ARHGEF28: variants seen among roughly 807,000 people sequenced by gnomAD.
ARHGEF28 encodes Rho guanine nucleotide exchange factor 28.
In ARHGEF28, 152 loss-of-function variants were observed where a neutral mutation model predicts 206.6. The ratio of observed to expected loss-of-function variants is 0.74; its 90% confidence interval spans 0.64 to 0.84. The LOEUF is 0.84. Ranked by LOEUF, ARHGEF28 falls within the 40% of genes least tolerant of loss-of-function variation. ARHGEF28 has a pLI of 0.00. For missense variants in ARHGEF28, 2,028 were observed against 2,073.2 expected (o/e 0.98, Z 0.42); for synonymous variants, 763 against 776.4 (o/e 0.98, Z 0.29).
intron 21 of ARHGEF28, 143 bp downstream of exon 21, chr5:73,870,352 C>G: frequency 2.8e-6 from 3 of 1,058,174 alleles, no homozygotes; most frequent in African/African-American, 1.6e-5. Flanking sequence ...ATTTAGATCA[C>G]CTAGACCTTA....
In ARHGEF28 at chr5:73,776,587, A is replaced by G. The variant is rs1355124930; in HGVS notation, c.731A>G (p.His244Arg). The G allele has an allele frequency of 1.2e-6, 2 of 1,613,660 alleles. No homozygotes were observed. Among genetic ancestry groups the G allele is most frequent in the Admixed American group, 3.3e-5 (2 of 59,984 alleles). ...LSEEASLHYI[H>R]SSETLTLTLN... Reference sequence around the variant, plus strand: ...GAAGAAGCCTCCTTGCATTACATTCACTCATCGGAAACGCTGACCCTGACC... The same window carrying G: ...GAAGAAGCCTCCTTGCATTACATTCGCTCATCGGAAACGCTGACCCTGACC... Residue 244 changes from histidine (H) to arginine (R), a missense_variant, in exon 6 of 36, where the codon CAC becomes CGC. Coordinates refer to ENST00000513042, the MANE Select transcript of ARHGEF28 (RefSeq NM_001177693.2).
At chr5:73,866,134 T>G in intron 18 of ARHGEF28, 121 bp downstream of exon 18, 1 of 902,614 alleles carries the variant, frequency 1.1e-6, no homozygotes, top group South Asian at 1.9e-5. Flanking sequence ...TTTCATAACA[T>G]ATGCTTGGCA....
chr5:73,782,395 G>A (rs1251952295), intron 7 of ARHGEF28, among the ~76,000 whole-genome samples: 1 of 152,178 alleles, frequency 6.6e-6, no homozygotes, highest in East Asian at 1.9e-4. Context: ...CTGAGATTGC[G>A]CCACTGCATT....
intron 3 of ARHGEF28, among the ~76,000 whole-genome samples, chr5:73,750,915 C>T (rs182139180): frequency 8.9e-4 from 135 of 152,212 alleles, no homozygotes; most frequent in African/African-American, 2.7e-3. Context: ...ATCTGCTACA[C>T]GTGGAAAGAA....
chr5:73,773,968 GA>G lies in ARHGEF28; in HGVS notation c.591del (p.Glu198ArgfsTer6). ...AGTCCAGGCCTTGGCTTTACCCAAC[GA>G]AGAGGGTGCCACACCATTAGACTTA... is the stretch of plus-strand genomic sequence containing the variant. ...GGVQALALPN[E>X]EGATPLDLAL... On this transcript the variant is annotated frameshift_variant, in exon 5 of 36. Transcript: ENST00000513042. LOFTEE classifies it high-confidence loss of function. 1.2e-6 allele frequency: 2 copies of G among 1,607,028 alleles called. No individual in the cohort carries two copies. The highest frequency in any genetic ancestry group is 1.1e-5 in the South Asian group (1 of 89,216).
chr5:73,697,317 T>C (rs1018169126), intron 2 of ARHGEF28, among the ~76,000 whole-genome samples: 1 of 152,028 alleles, frequency 6.6e-6, no homozygotes, highest in African/African-American at 2.4e-5. Flanking sequence ...CCAGCACTTA[T>C]AGTTACTGTA....
chr5:73,863,944 A>G (rs1216443371), intron 16 of ARHGEF28, among the ~76,000 whole-genome samples: 1 of 152,094 alleles, frequency 6.6e-6, no homozygotes, highest in Non-Finnish European at 1.5e-5. Context: ...CTTCCTGCCC[A>G]GTTCTTGTTG....
intron 4 of ARHGEF28, among the ~76,000 whole-genome samples, chr5:73,762,216 G>A (rs1424276021): frequency 6.6e-6 from 1 of 151,920 alleles, no homozygotes; most frequent in East Asian, 1.9e-4. Flanking sequence ...AGCACTTTGG[G>A]AGGCTGAGGT....
intron 23 of ARHGEF28, among the ~76,000 whole-genome samples, chr5:73,883,381 A>G (rs1013632011): frequency 4.6e-5 from 7 of 152,212 alleles, no homozygotes; most frequent in African/African-American, 1.7e-4. Flanking sequence ...GTTATAATGA[A>G]TAATAACAAA....
intron 2 of ARHGEF28, among the ~76,000 whole-genome samples, chr5:73,723,804 C>T (rs17664652): frequency 1.3e-5 from 2 of 152,184 alleles, no homozygotes; most frequent in Non-Finnish European, 2.9e-5. Flanking sequence ...AATGAATTGG[C>T]CTTGTGACTA....
intron 4 of ARHGEF28, among the ~76,000 whole-genome samples, chr5:73,757,799 C>G (rs1752394800): frequency 6.6e-6 from 1 of 152,138 alleles, no homozygotes; most frequent in South Asian, 2.1e-4. Flanking sequence ...TGTGCAGGGT[C>G]TCAGAAGCCC....
intron 1 of ARHGEF28, among the ~76,000 whole-genome samples, chr5:73,648,735 G>C (rs1744602492): frequency 6.6e-6 from 1 of 152,158 alleles, no homozygotes; most frequent in Non-Finnish European, 1.5e-5. Context: ...AGAATGAAGA[G>C]CAGTGAGGTG....
chr5:73,648,279 C>G (rs1744570266), intron 1 of ARHGEF28, among the ~76,000 whole-genome samples: 1 of 152,096 alleles, frequency 6.6e-6, no homozygotes, highest in Non-Finnish European at 1.5e-5. Context: ...TCTGGGAAAT[C>G]CATATTTTCC....
intron 10 of ARHGEF28, among the ~76,000 whole-genome samples, chr5:73,839,247 T>A (rs1757837915): frequency 6.6e-6 from 1 of 152,194 alleles, no homozygotes; most frequent in Non-Finnish European, 1.5e-5. Context: ...TTACTGTTTT[T>A]AAAAAATTAT....
At position 73,846,172 on chromosome 5, in the gene ARHGEF28, G is replaced by A. The variant is rs552126304; in HGVS notation, c.1428-96G>A. 160 of 1,053,564 alleles carry A rather than the reference G, an allele frequency of 1.5e-4. No individual in the cohort carries two copies. The Middle Eastern group carries it at 1.9e-3, about 12-fold the overall frequency. 65.3% of individuals were successfully genotyped at this position (1,053,564 alleles called of 1,614,324 possible). ...AATGAATACCTATTGCACCCCCCCC[G>A]CCCCAGTGAAAGAATCTGGATTCAG... On this transcript the variant is annotated intron_variant, in intron 11 of 35. Transcript: ENST00000513042.
intron 2 of ARHGEF28, among the ~76,000 whole-genome samples, chr5:73,727,434 G>A (rs1035516472): frequency 2.6e-5 from 4 of 152,112 alleles, no homozygotes; most frequent in Non-Finnish European, 5.9e-5. Flanking sequence ...CTTATGTGTA[G>A]CAATTCCCTC....
rs1758774360 is a variant in ARHGEF28, at chr5:73,852,619, A to C, written c.1748-31A>C. The stretch of plus-strand genomic sequence containing the variant: ...ATATGACTGCCAGTTTGTGTGCCTT[A>C]GTTTTCATTTTATTGTTCTGTGTCT... On this transcript the variant is annotated intron_variant, in intron 13 of 35. Transcript: ENST00000513042. The C allele has an allele frequency of 1.9e-6, 3 of 1,609,926 alleles. No homozygotes were observed. In the East Asian group the frequency reaches 6.7e-5, roughly 36 times the overall value.
chr5:73,852,102 C>G (rs1030595445), intron 13 of ARHGEF28, among the ~76,000 whole-genome samples: 1 of 152,114 alleles, frequency 6.6e-6, no homozygotes, highest in Non-Finnish European at 1.5e-5. Context: ...CCTTCTGGCC[C>G]CCTCCACAAG....
At chr5:73,823,307 G>A (rs1230223260) in intron 9 of ARHGEF28, among the ~76,000 whole-genome samples, 1 of 152,130 alleles carries the variant, frequency 6.6e-6, no homozygotes, top group African/African-American at 2.4e-5. Flanking sequence ...ATCAGATATG[G>A]TCGACTTACT....
Sources: gnomAD v4.1 joint callset for allele counts (sites outside exome capture counted in the v4.1 genomes callset) on GRCh38, gnomAD v4.1.1 for gene constraint, MANE v1.5 for transcripts, NCBI Gene and HGNC (gene_info 2026-07-23, HGNC 2026-07-21) for gene names.